SLC39A11: variants seen among roughly 807,000 people sequenced by gnomAD.
SLC39A11 encodes solute carrier family 39 member 11, also known as zinc transporter ZIP11.
Under a neutral mutation model 36.1 loss-of-function variants are expected in SLC39A11, and 33 were observed. The ratio of observed to expected loss-of-function variants is 0.91; its 90% confidence interval spans 0.69 to 1.22. The LOEUF (loss-of-function observed/expected upper bound fraction) is 1.22. Among genes scored for constraint, SLC39A11 ranks in the 50% most tolerant of loss-of-function variants. The pLI, the probability that SLC39A11 is intolerant of heterozygous loss-of-function variation, is 0.00. For missense variants in SLC39A11, 432 were observed against 430.3 expected (o/e 1.00, Z -0.03); for synonymous variants, 166 against 170.3 (o/e 0.97, Z 0.20).
chr17:72,858,037 T>C (rs2079752734), intron 5 of SLC39A11, among the ~76,000 whole-genome samples: 1 of 152,258 alleles, frequency 6.6e-6, no homozygotes, highest in Non-Finnish European at 1.5e-5. Context: ...ATCTTTACCA[T>C]GAAATCTTTC....
chr17:73,087,573 C>T (rs1021986964), intron 2 of SLC39A11, among the ~76,000 whole-genome samples: 2 of 152,018 alleles, frequency 1.3e-5, no homozygotes, highest in South Asian at 4.2e-4. Flanking sequence ...AATGCAATTT[C>T]AGGTATATGA....
intron 7 of SLC39A11, among the ~76,000 whole-genome samples, chr17:72,655,242 C>A (rs2070054236): frequency 6.6e-6 from 1 of 152,248 alleles, no homozygotes; most frequent in Non-Finnish European, 1.5e-5. Context: ...CGCACAGGCC[C>A]ATCCAAGTTC....
chr17:73,042,829 G>T (rs1382510923), intron 3 of SLC39A11, among the ~76,000 whole-genome samples: 2 of 152,016 alleles, frequency 1.3e-5, no homozygotes, highest in Non-Finnish European at 2.9e-5. Context: ...ATAAGAAGAA[G>T]AATTACCCAG....
chr17:72,966,950 A>G (rs1231003317), intron 4 of SLC39A11, among the ~76,000 whole-genome samples: 1 of 152,162 alleles, frequency 6.6e-6, no homozygotes, highest in Non-Finnish European at 1.5e-5. Flanking sequence ...CAGCGGCATT[A>G]GATTCTCAAA....
At chr17:72,652,026 G>A (rs2069876728) in intron 7 of SLC39A11, among the ~76,000 whole-genome samples, 1 of 152,156 alleles carries the variant, frequency 6.6e-6, no homozygotes, top group South Asian at 2.1e-4. Flanking sequence ...TTCTGTCATG[G>A]GCCAGATAGT....
intron 5 of SLC39A11, among the ~76,000 whole-genome samples, chr17:72,919,725 C>G (rs1305960361): frequency 6.6e-6 from 1 of 150,880 alleles, no homozygotes; most frequent in Non-Finnish European, 1.5e-5. Context: ...AAGCCAGAAC[C>G]CTCTGCCTGT....
At chr17:72,754,041 TATATACACATACAC>T (rs1385313408) in intron 6 of SLC39A11, among the ~76,000 whole-genome samples, 63 of 54,548 alleles carry the variant, frequency 1.2e-3, no homozygotes, top group Middle Eastern at 8.8e-3. Context: ...TATATATATA[TATATACACATACAC>T]ACACACACAC....
intron 6 of SLC39A11, among the ~76,000 whole-genome samples, chr17:72,782,940 T>A (rs1379261577): frequency 7.0e-6 from 1 of 142,844 alleles, no homozygotes; most frequent in Non-Finnish European, 1.5e-5. Flanking sequence ...AGGCGGAGAT[T>A]GCGGTGAGCT....
intron 5 of SLC39A11, among the ~76,000 whole-genome samples, chr17:72,877,811 T>G (rs2080989282): frequency 1.3e-5 from 2 of 151,462 alleles, no homozygotes; most frequent in African/African-American, 4.8e-5. Context: ...TTTTTTATTT[T>G]TATTTATTAT....
intron 5 of SLC39A11, among the ~76,000 whole-genome samples, chr17:72,888,680 T>A (rs551884490): frequency 2.0e-5 from 3 of 152,174 alleles, no homozygotes; most frequent in African/African-American, 7.2e-5. Flanking sequence ...GGAAGGAGGA[T>A]CACTTGAGGC....
intron 5 of SLC39A11, among the ~76,000 whole-genome samples, chr17:72,865,141 G>A (rs2080235557): frequency 6.6e-6 from 1 of 152,084 alleles, no homozygotes; most frequent in Admixed American, 6.6e-5. Flanking sequence ...ACTAGAAACC[G>A]GAGCCTTAAA....
chr17:72,752,084 T>C (rs2075176766), intron 6 of SLC39A11, among the ~76,000 whole-genome samples: 1 of 152,114 alleles, frequency 6.6e-6, no homozygotes, highest in Non-Finnish European at 1.5e-5. Flanking sequence ...TTGTGTCCCT[T>C]CTTCATTTTG....
intron 4 of SLC39A11, among the ~76,000 whole-genome samples, chr17:72,984,374 C>T (rs1326389837): frequency 8.8e-5 from 3 of 34,258 alleles, no homozygotes; most frequent in African/African-American, 1.5e-4. Flanking sequence ...GGAACTCAGA[C>T]ATTTAAAAAA....
At chr17:73,014,360 A>T (rs956822571) in intron 4 of SLC39A11, among the ~76,000 whole-genome samples, 2 of 152,174 alleles carry the variant, frequency 1.3e-5, no homozygotes, top group African/African-American at 2.4e-5. Flanking sequence ...TCAGCTGAGT[A>T]ACTATCAAAA....
At chr17:72,859,352 T>C (rs928649889) in intron 5 of SLC39A11, among the ~76,000 whole-genome samples, 3 of 151,986 alleles carry the variant, frequency 2.0e-5, no homozygotes, top group Non-Finnish European at 4.4e-5. Context: ...AGTGTAAGTA[T>C]TCCCACATAT....
chr17:72,678,846 A>G (rs1018578018), intron 7 of SLC39A11, among the ~76,000 whole-genome samples: 1 of 152,184 alleles, frequency 6.6e-6, no homozygotes, highest in Non-Finnish European at 1.5e-5. Context: ...GAGGCTGTTC[A>G]CAAGAGCCAA....
intron 4 of SLC39A11, among the ~76,000 whole-genome samples, chr17:72,996,824 T>C (rs1256950422): frequency 6.6e-6 from 1 of 152,176 alleles, no homozygotes; most frequent in Non-Finnish European, 1.5e-5. Flanking sequence ...GCTTCTACCA[T>C]GTGACTTGCT....
At chr17:72,726,787 CT>C (rs1268065492) in intron 7 of SLC39A11, among the ~76,000 whole-genome samples, 1 of 152,136 alleles carries the variant, frequency 6.6e-6, no homozygotes, top group Admixed American at 6.5e-5. Flanking sequence ...GACTTACGAT[CT>C]TTCCTCTTTG....
At chr17:73,088,287 C>T (rs2060802763) in intron 2 of SLC39A11, among the ~76,000 whole-genome samples, 1 of 132,996 alleles carries the variant, frequency 7.5e-6, no homozygotes, top group Non-Finnish European at 1.6e-5. Flanking sequence ...GAGCAAGATT[C>T]TGTCTCAAAA....
Sources: allele counts gnomAD v4.1 joint callset (sites outside exome capture counted in the v4.1 genomes callset), GRCh38; gene constraint gnomAD v4.1.1; transcripts MANE v1.5; gene names NCBI Gene and HGNC (gene_info 2026-07-23, HGNC 2026-07-21).